Variants in DOK6 observed in about 807,000 individuals in gnomAD.
DOK6 encodes docking protein 6, also known as downstream of tyrosine kinase 6.
In DOK6, 22 loss-of-function variants were observed where a neutral mutation model predicts 44.0. That is an observed-to-expected ratio of 0.50 (90% confidence interval 0.36 to 0.71). The LOEUF is 0.71. Ranked by LOEUF, DOK6 falls within the 30% of genes least tolerant of loss-of-function variation. The pLI, the probability that DOK6 is intolerant of heterozygous loss-of-function variation, is 0.00. For missense variants in DOK6, 340 were observed against 416.4 expected, an observed-to-expected ratio of 0.82 and a Z score of 1.60; for synonymous variants, 166 against 145.5, an observed-to-expected ratio of 1.14 and a Z score of -1.01.
intron 5 of DOK6, among the ~76,000 whole-genome samples, chr18:69,730,181 C>T (rs1433658688): frequency 6.6e-6 from 1 of 152,238 alleles, no homozygotes; most frequent in Non-Finnish European, 1.5e-5. Context: ...CTGCAGGATC[C>T]TGGGTGGAAA....
chr18:69,722,623 A>G (rs1157679802), intron 5 of DOK6, among the ~76,000 whole-genome samples: 1 of 152,248 alleles, frequency 6.6e-6, no homozygotes, highest in Admixed American at 6.5e-5. Flanking sequence ...CCCTGAATAT[A>G]AACCTCTATC....
At chr18:69,466,296 T>A (rs1261216604) in intron 1 of DOK6, among the ~76,000 whole-genome samples, 1 of 152,226 alleles carries the variant, frequency 6.6e-6, no homozygotes, top group Non-Finnish European at 1.5e-5. Context: ...CTTATTTCAC[T>A]TAACATGTTT....
At chr18:69,605,108 G>GTGTGTC in intron 3 of DOK6, among the ~76,000 whole-genome samples, 1 of 148,596 alleles carries the variant, frequency 6.7e-6, no homozygotes, top group South Asian at 2.1e-4. Flanking sequence ...GTGTGTGTGT[G>GTGTGTC]TGTGTGTGTG....
At chr18:69,506,275 A>G (rs2144552198) in intron 1 of DOK6, among the ~76,000 whole-genome samples, 1 of 152,304 alleles carries the variant, frequency 6.6e-6, no homozygotes, top group Middle Eastern at 3.4e-3. Flanking sequence ...TACATGCAGT[A>G]TAATTTGCAC....
At chr18:69,633,607 A>G (rs1984737677) in intron 3 of DOK6, among the ~76,000 whole-genome samples, 1 of 152,162 alleles carries the variant, frequency 6.6e-6, no homozygotes, top group South Asian at 2.1e-4. Flanking sequence ...AAAATTTCCT[A>G]TTTTGTTTTC....
At chr18:69,579,862 A>T (rs1429386010) in intron 2 of DOK6, among the ~76,000 whole-genome samples, 5 of 152,020 alleles carry the variant, frequency 3.3e-5, no homozygotes, top group Middle Eastern at 3.2e-3. Flanking sequence ...GGAGCGGTCG[A>T]TCCGCCCGCC....
chr18:69,779,620 A>T (rs1422227838), intron 7 of DOK6, among the ~76,000 whole-genome samples: 13 of 152,196 alleles, frequency 8.5e-5, no homozygotes, highest in Admixed American at 8.5e-4. Flanking sequence ...TTGTAAGGAA[A>T]AAAATAAAAA....
At chr18:69,756,194 C>T (rs1181168838) in intron 6 of DOK6, among the ~76,000 whole-genome samples, 2 of 152,160 alleles carry the variant, frequency 1.3e-5, no homozygotes. Context: ...TCTGCCTAGC[C>T]ATTTCACCGT....
intron 7 of DOK6, among the ~76,000 whole-genome samples, chr18:69,759,912 A>G (rs1979487981): frequency 6.6e-6 from 1 of 152,188 alleles, no homozygotes; most frequent in African/African-American, 2.4e-5. Flanking sequence ...TATTTATAAA[A>G]TGTATTCAAC....
At chr18:69,676,839 G>A (rs1450779690) in intron 3 of DOK6, among the ~76,000 whole-genome samples, 1 of 152,106 alleles carries the variant, frequency 6.6e-6, no homozygotes, top group Non-Finnish European at 1.5e-5. Context: ...TTACACCAAA[G>A]TCAAATTCAC....
At chr18:69,628,661 A>G (rs895316393) in intron 3 of DOK6, among the ~76,000 whole-genome samples, 2 of 152,180 alleles carry the variant, frequency 1.3e-5, no homozygotes, top group Non-Finnish European at 2.9e-5. Context: ...TGATTTTTGA[A>G]TTTTATGAAC....
intron 2 of DOK6, among the ~76,000 whole-genome samples, chr18:69,577,963 T>C (rs985417992): frequency 8.5e-5 from 13 of 152,138 alleles, no homozygotes; most frequent in African/African-American, 3.1e-4. Context: ...TATTACCCAT[T>C]TCTCCACAGC....
chr18:69,784,369 T>C (rs1980369359), intron 7 of DOK6, among the ~76,000 whole-genome samples: 1 of 151,976 alleles, frequency 6.6e-6, no homozygotes, highest in African/African-American at 2.4e-5. Context: ...ATTAAATTGT[T>C]AGCCTTGCCC....
At chr18:69,781,798 T>A (rs1402750653) in intron 7 of DOK6, among the ~76,000 whole-genome samples, 1 of 152,178 alleles carries the variant, frequency 6.6e-6, no homozygotes, top group Non-Finnish European at 1.5e-5. Flanking sequence ...TAAATAAAAA[T>A]TTATCAGGGT....
chr18:69,475,874 A>C (rs1478847785), intron 1 of DOK6, among the ~76,000 whole-genome samples: 2 of 152,158 alleles, frequency 1.3e-5, no homozygotes, highest in Admixed American at 1.3e-4. Flanking sequence ...TTGAATGTTT[A>C]TTTTTTATTA....
intron 1 of DOK6, among the ~76,000 whole-genome samples, chr18:69,404,986 G>A (rs1916174955): frequency 6.6e-6 from 1 of 152,206 alleles, no homozygotes. Context: ...GCCAGTCATT[G>A]TCACTTTGCA....
chr18:69,677,920 A>T, intron 4 of DOK6, 67 bp downstream of exon 4: 1 of 1,548,306 alleles, frequency 6.5e-7, no homozygotes, highest in East Asian at 2.3e-5. Context: ...GAAACTGGAA[A>T]GGATCTCAGA....
chr18:69,809,407 C>T (rs908865859), intron 7 of DOK6, among the ~76,000 whole-genome samples: 25 of 151,476 alleles, frequency 1.7e-4, no homozygotes, highest in African/African-American at 4.8e-4. Flanking sequence ...CAAGGATGCC[C>T]CACTTCTCTG....
At chr18:69,458,004 G>A (rs534869647) in intron 1 of DOK6, among the ~76,000 whole-genome samples, 30 of 152,264 alleles carry the variant, frequency 2.0e-4, no homozygotes, top group African/African-American at 6.3e-4. Flanking sequence ...TTTGCTGGGC[G>A]TGGTGGCGCA....
Sources: allele counts gnomAD v4.1 joint callset (sites outside exome capture counted in the v4.1 genomes callset), GRCh38; gene constraint gnomAD v4.1.1; transcripts MANE v1.5; gene names NCBI Gene and HGNC (gene_info 2026-07-23, HGNC 2026-07-21).